HDAC9: variants seen among roughly 807,000 people sequenced by gnomAD.
The protein encoded by HDAC9 is histone deacetylase 9.
HDAC9 carries 41 observed loss-of-function variants against 139.4 expected under a neutral mutation model. That is an observed-to-expected ratio of 0.29 (90% CI 0.23 to 0.38). The LOEUF (loss-of-function observed/expected upper bound fraction) is 0.38, where lower values mean the gene tolerates loss of function less well. Ranked by LOEUF, HDAC9 falls within the 10% of genes least tolerant of loss-of-function variation. HDAC9 has a pLI of 1.00. For missense variants in HDAC9, 1,147 were observed against 1,297.0 expected, an observed-to-expected ratio of 0.88 and a Z score of 1.78; for synonymous variants, 517 against 476.2, an observed-to-expected ratio of 1.09 and a Z score of -1.12.
chr7:18,553,660 A>C (rs1295987157), intron 2 of HDAC9, among the ~76,000 whole-genome samples: 1 of 152,178 alleles, frequency 6.6e-6, no homozygotes, highest in African/African-American at 2.4e-5. Flanking sequence ...ACAGATCTTG[A>C]ATGTCTCTGG....
chr7:18,925,387 G>C (rs1342985626), intron 22 of HDAC9, among the ~76,000 whole-genome samples: 1 of 152,114 alleles, frequency 6.6e-6, no homozygotes, highest in Non-Finnish European at 1.5e-5. Flanking sequence ...ATGGTGCCTG[G>C]TTATATTAGG....
rs957327125 is a variant in HDAC9, at chr7:18,997,596, CTTTTATTCAGAAATCT to C, written c.*1535_*1550del. 3 of 152,010 alleles carry C rather than the reference CTTTTATTCAGAAATCT, an allele frequency of 2.0e-5. No homozygotes were observed. The highest frequency in any genetic ancestry group is 7.2e-5 in the African/African-American group (3 of 41,410). The allele number at this position is 152,010 out of a possible 1,614,324, so 9.4% of individuals were successfully genotyped here. A position where few individuals can be genotyped will look rare whatever the true frequency, so the allele number is the denominator to read the frequency against. ...AAAGCCATAAGTGAAGATTGTCATG[CTTTTATTCAGAAATCT>C]GAAAGAAACCTTAATTAAAACAAGG... On this transcript the variant is annotated 3_prime_UTR_variant, in exon 26 of 26. Transcript: ENST00000686413.
At chr7:18,554,587 G>A (rs1323534212) in intron 2 of HDAC9, among the ~76,000 whole-genome samples, 1 of 151,906 alleles carries the variant, frequency 6.6e-6, no homozygotes, top group Non-Finnish European at 1.5e-5. Flanking sequence ...CACCTGCCTC[G>A]GCCTCCCAAA....
At chr7:18,952,339 C>G (rs1030473788) in intron 23 of HDAC9, among the ~76,000 whole-genome samples, 1 of 151,810 alleles carries the variant, frequency 6.6e-6, no homozygotes, top group Non-Finnish European at 1.5e-5. Context: ...GTGCAAGAGA[C>G]CAGAAGTTAG....
At chr7:18,828,123 A>T (rs2129205089) in intron 17 of HDAC9, among the ~76,000 whole-genome samples, 1 of 152,324 alleles carries the variant, frequency 6.6e-6, no homozygotes, top group South Asian at 2.1e-4. Context: ...TTCTGGAAAG[A>T]TATGTGTATG....
At chr7:18,233,147 A>G (rs1245517507) in intron 2 of HDAC9, among the ~76,000 whole-genome samples, 1 of 152,154 alleles carries the variant, frequency 6.6e-6, no homozygotes, top group Non-Finnish European at 1.5e-5. Flanking sequence ...ATGGCAGCTC[A>G]TAATTGCTGC....
chr7:18,929,908 T>C (rs532642543), intron 22 of HDAC9, among the ~76,000 whole-genome samples: 30 of 151,898 alleles, frequency 2.0e-4, no homozygotes, highest in African/African-American at 7.2e-4. Context: ...CACTGCACTC[T>C]AGCCCAGGTG....
chr7:18,165,406 C>G (rs543701703), intron 2 of HDAC9, among the ~76,000 whole-genome samples: 5 of 152,124 alleles, frequency 3.3e-5, no homozygotes, highest in African/African-American at 1.2e-4. Flanking sequence ...AAAAACACAT[C>G]ATAAAGTCTT....
chr7:18,365,278 G>A (rs1435577709), intron 1 of HDAC9, among the ~76,000 whole-genome samples: 1 of 152,076 alleles, frequency 6.6e-6, no homozygotes, highest in Non-Finnish European at 1.5e-5. Context: ...TAGATCTAGT[G>A]TGAACTCTGA....
At chr7:18,197,617 G>C (rs1344010524) in intron 2 of HDAC9, among the ~76,000 whole-genome samples, 1 of 152,100 alleles carries the variant, frequency 6.6e-6, no homozygotes, top group Non-Finnish European at 1.5e-5. Flanking sequence ...TTCTTCAGGT[G>C]GGAATTATGG....
At chr7:18,606,232 C>T (rs1042187875) in intron 6 of HDAC9, among the ~76,000 whole-genome samples, 1 of 152,090 alleles carries the variant, frequency 6.6e-6, no homozygotes, top group Non-Finnish European at 1.5e-5. Context: ...TTACTTTGTT[C>T]AGCTTTTTAC....
chr7:18,134,848 T>G (rs1325681847), intron 1 of HDAC9, among the ~76,000 whole-genome samples: 1 of 152,140 alleles, frequency 6.6e-6, no homozygotes, highest in East Asian at 1.9e-4. Flanking sequence ...CTATGCAAAA[T>G]TGTTTTCAAA....
chr7:18,869,800 G>T (rs890927378), intron 21 of HDAC9, among the ~76,000 whole-genome samples: 1 of 152,014 alleles, frequency 6.6e-6, no homozygotes, highest in Non-Finnish European at 1.5e-5. Flanking sequence ...CCTGACACAG[G>T]CTCAATTGGA....
chr7:18,871,417 ACT>A (rs1585193808), intron 21 of HDAC9, among the ~76,000 whole-genome samples: 2 of 152,222 alleles, frequency 1.3e-5, no homozygotes, highest in East Asian at 3.9e-4. Flanking sequence ...CTGGGTATTA[ACT>A]CTGCTCCTTG....
intron 1 of HDAC9, among the ~76,000 whole-genome samples, chr7:18,407,966 T>G (rs1425391534): frequency 6.6e-6 from 1 of 152,150 alleles, no homozygotes; most frequent in Non-Finnish European, 1.5e-5. Flanking sequence ...TGAGTTTGAG[T>G]TCTGGCCATA....
chr7:18,999,433 A>C lies in HDAC9; in HGVS notation c.*3371A>C, dbSNP rs1398644465. On this transcript the variant is annotated 3_prime_UTR_variant, in exon 26 of 26. Coordinates refer to ENST00000686413, the MANE Select transcript of HDAC9 (RefSeq NM_178425.4). The stretch of plus-strand genomic sequence containing the variant: ...ATCATTTGGAAAGTCTCCTGGGAAA[A>C]AATTCCTCTTCAATCAGCATTTTAA... 1 of 152,192 alleles carries C rather than the reference A, an allele frequency of 6.6e-6. No individual in the cohort carries two copies. The highest frequency in any genetic ancestry group is 1.5e-5 in the Non-Finnish European group (1 of 68,050). The allele number at this position is 152,192 out of a possible 1,614,324, so 9.4% of individuals were successfully genotyped here. A position where few individuals can be genotyped will look rare whatever the true frequency, so the allele number is the denominator to read the frequency against.
Position 18,180,226 on chromosome 7 carries a change from TACACACACACACAC to T in HDAC9, c.25+17912_25+17925del, listed in dbSNP as rs67304424. ...TTGTGAGCACCCTCCCCAAGACACA[TACACACACACACAC>T]ACACACACACACACACACACACACA... is the stretch of plus-strand genomic sequence containing the variant. On this transcript the variant is annotated intron_variant, in intron 2 of 12. Transcript: ENST00000417496. 7.6e-4 allele frequency among the ~76,000 whole-genome samples: 92 copies of T among 120,700 alleles called. 1 individual carries two copies. The highest frequency in any genetic ancestry group is 2.8e-3 in the African/African-American group (78 of 28,214). 79.2% of individuals were successfully genotyped at this position (120,700 alleles called of 152,430 possible).
intron 12 of HDAC9, among the ~76,000 whole-genome samples, chr7:18,673,860 G>A (rs1307872605): frequency 2.6e-5 from 4 of 152,002 alleles, no homozygotes; most frequent in African/African-American, 9.7e-5. Context: ...AATGGTTTAA[G>A]GGTTTAAAGA....
chr7:18,251,438 C>G (rs1237238880), intron 2 of HDAC9, among the ~76,000 whole-genome samples: 1 of 152,018 alleles, frequency 6.6e-6, no homozygotes, highest in Non-Finnish European at 1.5e-5. Context: ...ATGAGATGAT[C>G]TGTGCAGCAG....
Sources: allele counts gnomAD v4.1 joint callset (sites outside exome capture counted in the v4.1 genomes callset), GRCh38; gene constraint gnomAD v4.1.1; transcripts MANE v1.5; gene names NCBI Gene and HGNC (gene_info 2026-07-23, HGNC 2026-07-21).